The following SFXN2 variants were observed in gnomAD, a reference collection of about 807,000 sequenced individuals.
The protein encoded by SFXN2 is sideroflexin 2.
A neutral mutation model predicts 41.9 loss-of-function variants in SFXN2; 37 were observed. The observed-to-expected ratio is 0.88, with a 90% CI of 0.68 to 1.16. SFXN2 has a LOEUF of 1.16. SFXN2 is among the 50% of genes most tolerant of loss of function. The pLI is 0.00. For synonymous variants in SFXN2, 150 were observed against 156.7 expected, an observed-to-expected ratio of 0.96 and a Z score of 0.32; for missense variants, 386 against 425.2, an observed-to-expected ratio of 0.91 and a Z score of 0.81.
intron 8 of SFXN2, 47 bp downstream of exon 8, chr10:102,732,265 G>C (rs2064716002): frequency 6.4e-7 from 1 of 1,560,608 alleles, no homozygotes; most frequent in Non-Finnish European, 8.8e-7. Context: ...GTGACACAGG[G>C]TGGAGGTCTC....
chr10:102,722,475 T>C (rs2064522279), intron 1 of SFXN2, among the ~76,000 whole-genome samples: 1 of 152,240 alleles, frequency 6.6e-6, no homozygotes, highest in South Asian at 2.1e-4. Context: ...TAAACAAACG[T>C]ATCTGTTTGT....
intron 10 of SFXN2, among the ~76,000 whole-genome samples, chr10:102,735,298 C>T (rs981139620): frequency 6.6e-6 from 1 of 151,540 alleles, no homozygotes; most frequent in Admixed American, 6.6e-5. Flanking sequence ...CAAGTCACTC[C>T]TCCCCCTTCA....
intron 7 of SFXN2, 70 bp downstream of exon 7, chr10:102,731,853 T>G: frequency 7.2e-7 from 1 of 1,394,430 alleles, no homozygotes; most frequent in Non-Finnish European, 1.0e-6. Context: ...TCCTTAGTGG[T>G]CAGAGTAGGC....
chr10:102,721,084 C>T (rs2064502414), intron 1 of SFXN2, among the ~76,000 whole-genome samples: 1 of 152,214 alleles, frequency 6.6e-6, no homozygotes, highest in South Asian at 2.1e-4. Flanking sequence ...TCCCTCTCCC[C>T]TGGGATGGTC....
In SFXN2 at chr10:102,732,914, T is replaced by C. The variant is rs773080858; in HGVS notation, c.771+6T>C. The C allele has an allele frequency of 1.2e-6, 2 of 1,613,952 alleles. No homozygotes were observed. The highest frequency in any genetic ancestry group is 2.7e-5 in the African/African-American group (2 of 74,908). On this transcript the variant is annotated splice_donor_region_variant and intron_variant, in intron 9 of 11. Coordinates refer to ENST00000369893, the MANE Select transcript of SFXN2 (RefSeq NM_178858.6). Reference sequence around the variant, plus strand: ...AGAAATTGCACTTCATGCAGGTATGTAGGGTTTGCTTTGGCATTTTCCCTG... The same window carrying C: ...AGAAATTGCACTTCATGCAGGTATGCAGGGTTTGCTTTGGCATTTTCCCTG...
At chr10:102,716,418 C>T (rs1421983499) in intron 1 of SFXN2, 4 of 151,862 alleles carry the variant, frequency 2.6e-5, no homozygotes, top group Non-Finnish European at 5.9e-5. Flanking sequence ...GAGGATACCT[C>T]AGAAGGAATT....
At position 102,740,157 on chromosome 10, in the gene SFXN2, A is replaced by G. The variant is rs2064828380; in HGVS notation, c.*2395A>G. The G allele has an allele frequency of 3.3e-5, 5 of 152,224 alleles. No individual in the cohort carries two copies. The highest frequency in any genetic ancestry group is 3.3e-4 in the Admixed American group (5 of 15,286). 9.4% of individuals were successfully genotyped at this position (152,224 alleles called of 1,614,324 possible). A position where few individuals can be genotyped will look rare whatever the true frequency, so the allele number is the denominator to read the frequency against. On this transcript the variant is annotated 3_prime_UTR_variant, in exon 12 of 12. Coordinates refer to ENST00000369893, the MANE Select transcript of SFXN2 (RefSeq NM_178858.6). Reference sequence around the variant, plus strand: ...TTTCTCCCCGTTTAAAAAAGTTAAAATATAACTCACATACCATAAACTTAG... The same window carrying G: ...TTTCTCCCCGTTTAAAAAAGTTAAAGTATAACTCACATACCATAAACTTAG...
rs1372552627 is a variant in SFXN2 at position 102,729,409 on chromosome 10, C to T, written c.507+15C>T. On this transcript the variant is annotated intron_variant, in intron 5 of 11. Coordinates refer to ENST00000369893, the MANE Select transcript of SFXN2 (RefSeq NM_178858.6). ...TGTTGACAAAGGTATGGTCTGGGGC[C>T]GCTGCAGCATGGTGGCCACGCGGGG... 1.8e-5 allele frequency: 29 copies of T among 1,613,634 alleles called. No homozygotes were observed. Among genetic ancestry groups the T allele is most frequent in the South Asian group, 2.2e-5 (2 of 91,062 alleles).
chr10:102,726,974 C>T lies in SFXN2; in HGVS notation c.162-13C>T. The stretch of plus-strand genomic sequence containing the variant: ...AGGCAGGATGGTGACTGCCTGCTGT[C>T]CTTGGGTGGCAGGATGGGGGTTGTG... On this transcript the variant is annotated splice_polypyrimidine_tract_variant and intron_variant, in intron 2 of 11. Transcript: ENST00000369893. 1 of 1,591,502 alleles carries T rather than the reference C, an allele frequency of 6.3e-7. No individual in the cohort carries two copies. The highest frequency in any genetic ancestry group is 1.3e-5 in the African/African-American group (1 of 74,632).
chr10:102,718,073 GT>G (rs1189540721), intron 1 of SFXN2, among the ~76,000 whole-genome samples: 1 of 152,066 alleles, frequency 6.6e-6, no homozygotes, highest in African/African-American at 2.4e-5. Context: ...ATCGTTTAGT[GT>G]TTTTTTTGTT....
In SFXN2 at chr10:102,734,023, G is replaced by A. The variant is rs2136059197; in HGVS notation, c.821+420G>A. 6.6e-6 allele frequency among the ~76,000 whole-genome samples: 1 copy of A among 152,272 alleles called. No individual in the cohort carries two copies. Among genetic ancestry groups the A allele is most frequent in the Middle Eastern group, 3.4e-3 (1 of 294 alleles). On this transcript the variant is annotated intron_variant, in intron 10 of 11. Coordinates refer to ENST00000369893, the MANE Select transcript of SFXN2 (RefSeq NM_178858.6). This position sits in a 1 kb window ranked among gnomAD's most constrained non-coding sequence, Gnocchi z 4.1. ...CTGCCTCAGCCTCCTGAGTAGCTGG[G>A]ATTACAGGCACGCACCATGATGCCT...
chr10:102,733,572 G>GC lies in SFXN2; in HGVS notation c.794dup (p.Leu266IlefsTer26). ...TATACAGAAAGTCAAGGTCCTGCAC[G>GC]CCCCATTGCAGGTCATGCTGAGCGG... On this transcript the variant is annotated frameshift_variant, in exon 10 of 12. Transcript: ENST00000369893. LOFTEE classifies it high-confidence loss of function. 1 of 1,613,936 alleles carries GC rather than the reference G, an allele frequency of 6.2e-7. No individual in the cohort carries two copies. Among genetic ancestry groups the GC allele is most frequent in the Non-Finnish European group, 8.5e-7 (1 of 1,179,824 alleles).
chr10:102,719,194 G>T (rs545418643), intron 1 of SFXN2, among the ~76,000 whole-genome samples: 1 of 151,286 alleles, frequency 6.6e-6, no homozygotes, highest in East Asian at 1.9e-4. Context: ...AAGCACTGGG[G>T]TTACAGGCAT....
At position 102,730,615 on chromosome 10, in the gene SFXN2, C is replaced by T. The variant is rs577443502; in HGVS notation, c.593+807C>T. Among the ~76,000 whole-genome samples the T allele has an allele frequency of 3.4e-3, 512 of 152,324 alleles. 4 individuals are homozygous for T. Among genetic ancestry groups the T allele is most frequent in the African/African-American group, 0.012 (480 of 41,576 alleles). ...AGGAGAATGAGTCCCTGCCACCTAC[C>T]GGGGCTTGAGTTGAGTGCTGTCAAG... On this transcript the variant is annotated intron_variant, in intron 6 of 11. Transcript: ENST00000369893.
At chr10:102,720,153 G>A (rs1435720140) in intron 1 of SFXN2, among the ~76,000 whole-genome samples, 1 of 152,038 alleles carries the variant, frequency 6.6e-6, no homozygotes, top group African/African-American at 2.4e-5. Flanking sequence ...TTAGCTGGGT[G>A]TGGTGGCACG....
rs1236498697 is a variant in SFXN2, at chr10:102,729,741, G to T, written c.526G>T (p.Gly176Cys). ...CCAACAGAAAGCGCCGCCCTTGGTG[G>T]GCCGCTGGGTGCCCTTTGCCGCTGT... ...MLTKKAPPLV[G>C]RWVPFAAVAA... The change falls in exon 6 of 12, where the codon GGC becomes TGC. Residue 176 changes from glycine (G) to cysteine (C), a missense_variant. Gly to Cys is a radical substitution (Grantham distance 159, BLOSUM62 -3). Transcript: ENST00000369893. 2 of 1,614,046 alleles carry T rather than the reference G, an allele frequency of 1.2e-6. No individual in the cohort carries two copies. The highest frequency in any genetic ancestry group is 3.3e-5 in the Admixed American group (2 of 60,022).
chr10:102,721,622 T>C (rs2064510961), intron 1 of SFXN2, among the ~76,000 whole-genome samples: 1 of 147,806 alleles, frequency 6.8e-6, no homozygotes, highest in African/African-American at 2.5e-5. Context: ...TTTATATAGT[T>C]ATATAATTTA....
chr10:102,731,926 T>C, intron 7 of SFXN2, 143 bp downstream of exon 7: 1 of 807,730 alleles, frequency 1.2e-6, no homozygotes, highest in Non-Finnish European at 2.0e-6. Flanking sequence ...ATTTTCCCCA[T>C]GTTTCTCTGT....
At chr10:102,723,946 ATTAG>A (rs1376637632) in intron 1 of SFXN2, among the ~76,000 whole-genome samples, 1 of 152,140 alleles carries the variant, frequency 6.6e-6, no homozygotes, top group Non-Finnish European at 1.5e-5. Context: ...TTTAGTACCC[ATTAG>A]TTATTTTTTC....
Sources: gnomAD v4.1 joint callset for allele counts (sites outside exome capture counted in the v4.1 genomes callset) on GRCh38, gnomAD v4.1.1 for gene constraint, Gnocchi (gnomAD v3.1) non-coding constraint, MANE v1.5 for transcripts, NCBI Gene and HGNC (gene_info 2026-07-23, HGNC 2026-07-21) for gene names.